The following FAAH2 variants were observed in gnomAD, a reference collection of about 807,000 sequenced individuals.
FAAH2 encodes fatty-acid amide hydrolase 2.
FAAH2 carries 60 observed loss-of-function variants against 36.9 expected under a neutral mutation model. The observed-to-expected ratio is 1.63, with a 90% CI of 1.32 to 2.02. FAAH2 has a LOEUF of 2.02. FAAH2 is among the 30% of genes most tolerant of loss of function. The pLI is 0.00. For missense variants in FAAH2, 689 were observed against 397.5 expected, an observed-to-expected ratio of 1.73 and a Z score of -6.23; for synonymous variants, 214 against 143.8, an observed-to-expected ratio of 1.49 and a Z score of -3.49.
rs186867048 is a variant in FAAH2 at position 57,343,280 on chromosome X, A to C, written c.742+1890A>C. Among the ~76,000 whole-genome samples, 318 of 111,599 alleles carry C rather than the reference A, an allele frequency of 2.8e-3. 1 individual carries two copies. Among genetic ancestry groups the C allele is most frequent in the Non-Finnish European group, 4.5e-3 (238 of 52,916 alleles). ...TTTTCTCTGCAGCCTCATCAGTGTC[A>C]GTTATTTTTGGATTTTTTCAATGAT... On this transcript the variant is annotated intron_variant, in intron 5 of 10. Coordinates refer to ENST00000374900, the MANE Select transcript of FAAH2 (RefSeq NM_174912.4).
At chrX:57,279,360 C>A in the FAAH2 span, among the ~76,000 whole-genome samples, 7 of 112,275 alleles carry the variant, frequency 6.2e-5, no homozygotes, top group East Asian at 1.4e-3. Context: ...GAGCAGAAAA[C>A]CAAACACTGC....
chrX:57,303,672 T>C (rs1265971488), intron 2 of FAAH2, among the ~76,000 whole-genome samples: 1 of 111,972 alleles, frequency 8.9e-6, no homozygotes, highest in Non-Finnish European at 1.9e-5. Context: ...AAGCCTGGGA[T>C]TTGACCACTC....
At chrX:57,204,734 G>T in the FAAH2 span, among the ~76,000 whole-genome samples, 1 of 112,372 alleles carries the variant, frequency 8.9e-6, no homozygotes, top group Non-Finnish European at 1.9e-5. Context: ...CCTTTAGACA[G>T]GCTCAAAAAC....
At chrX:57,321,857 C>T (rs763096169) in intron 3 of FAAH2, among the ~76,000 whole-genome samples, 1 of 111,756 alleles carries the variant, frequency 8.9e-6, no homozygotes, top group South Asian at 3.7e-4. Flanking sequence ...AGTCTGTGTA[C>T]TTGTGTGTTT....
chrX:57,347,604 G>GTTTTTT (rs61323098), intron 5 of FAAH2, among the ~76,000 whole-genome samples: 4 of 77,886 alleles, frequency 5.1e-5, no homozygotes, highest in African/African-American at 2.6e-4. Flanking sequence ...GGGATGCTAA[G>GTTTTTT]TTTTTTTTTT....
chrX:57,217,183 T>C, the FAAH2 span, among the ~76,000 whole-genome samples: 1 of 105,543 alleles, frequency 9.5e-6, no homozygotes, highest in African/African-American at 3.4e-5. Flanking sequence ...TATTAGTCCT[T>C]TGTCAGATGT....
intron 7 of FAAH2, among the ~76,000 whole-genome samples, chrX:57,416,695 A>G (rs766908564): frequency 2.7e-5 from 3 of 110,918 alleles, no homozygotes; most frequent in South Asian, 3.8e-4. Flanking sequence ...GAATCTGACG[A>G]TTATGTGTCT....
At chrX:57,234,023 T>A in the FAAH2 span, among the ~76,000 whole-genome samples, 2 of 113,110 alleles carry the variant, frequency 1.8e-5, no homozygotes, top group Non-Finnish European at 3.7e-5. Flanking sequence ...AACATGCATT[T>A]AAATTTGAAC....
At chrX:57,268,333 C>CA in the FAAH2 span, among the ~76,000 whole-genome samples, 1 of 110,731 alleles carries the variant, frequency 9.0e-6, no homozygotes, top group East Asian at 2.8e-4. Flanking sequence ...TATAACCCCC[C>CA]AAAAAAAATG....
intron 3 of FAAH2, 35 bp from the exon 4 acceptor site, chrX:57,331,563 T>A: frequency 8.7e-7 from 1 of 1,153,435 alleles, no homozygotes; most frequent in Non-Finnish European, 1.2e-6. Context: ...TTTTATTTAA[T>A]AATTTTTAAA....
At chrX:57,413,645 G>A (rs1410903866) in intron 7 of FAAH2, among the ~76,000 whole-genome samples, 2 of 111,895 alleles carry the variant, frequency 1.8e-5, no homozygotes, top group Non-Finnish European at 3.8e-5. Context: ...GTCAGGTAGT[G>A]TGATGCCTCC....
intron 7 of FAAH2, chrX:57,395,351 A>G (rs1279264040): frequency 1.5e-6 from 1 of 682,845 alleles, no homozygotes; most frequent in Non-Finnish European, 2.3e-6. Flanking sequence ...TTGATTCTTC[A>G]GTCTCGCCCT....
the FAAH2 span, chrX:57,229,353 G>A: frequency 1.7e-4 from 19 of 111,651 alleles, no homozygotes; most frequent in Non-Finnish European, 3.6e-4. Context: ...TCCCAATAGG[G>A]CTTCTAGTAC....
the FAAH2 span, among the ~76,000 whole-genome samples, chrX:57,247,921 T>C: frequency 8.9e-6 from 1 of 112,438 alleles, no homozygotes; most frequent in South Asian, 3.7e-4. Flanking sequence ...ATAAAAGTGG[T>C]AAATTTTCTT....
At chrX:57,214,228 G>T in the FAAH2 span, among the ~76,000 whole-genome samples, 2 of 111,174 alleles carry the variant, frequency 1.8e-5, no homozygotes, top group African/African-American at 6.5e-5. Context: ...ACATAGCGTT[G>T]GTTTGTTATT....
intron 10 of FAAH2, among the ~76,000 whole-genome samples, chrX:57,480,019 G>T (rs1342393119): frequency 1.8e-5 from 2 of 111,553 alleles, no homozygotes; most frequent in Non-Finnish European, 3.8e-5. Flanking sequence ...TAGAAGAAAT[G>T]GATAAATTCC....
intron 7 of FAAH2, among the ~76,000 whole-genome samples, chrX:57,383,807 G>T (rs2054927488): frequency 8.9e-6 from 1 of 111,901 alleles, no homozygotes; most frequent in African/African-American, 3.3e-5. Context: ...TTTCTTCACA[G>T]AATTGGAAAA....
At chrX:57,142,284 A>G in the FAAH2 span, among the ~76,000 whole-genome samples, 3 of 111,410 alleles carry the variant, frequency 2.7e-5, no homozygotes, top group African/African-American at 9.8e-5. Flanking sequence ...TGTGTTCTGT[A>G]GGTTTTGGTA....
chrX:57,345,153 T>C (rs2053788288), intron 5 of FAAH2, among the ~76,000 whole-genome samples: 1 of 106,383 alleles, frequency 9.4e-6, no homozygotes, highest in Non-Finnish European at 1.9e-5. Flanking sequence ...GTTTCAGTAG[T>C]ATTGGTACCA....
Sources: allele counts gnomAD v4.1 joint callset (sites outside exome capture counted in the v4.1 genomes callset), GRCh38; gene constraint gnomAD v4.1.1; transcripts MANE v1.5; gene names NCBI Gene and HGNC (gene_info 2026-07-23, HGNC 2026-07-21).